Variants in EMC1 observed in about 807,000 individuals in gnomAD.
The protein encoded by EMC1 is ER membrane protein complex subunit 1, also known as KIAA0090.
In EMC1, 103 loss-of-function variants were observed where a neutral mutation model predicts 128.8. The observed-to-expected ratio is 0.80, with a 90% CI of 0.68 to 0.94. EMC1 has a LOEUF of 0.94. EMC1 is among the 40% of genes least tolerant of loss of function. The pLI is 0.00. For synonymous variants in EMC1, 442 were observed against 490.4 expected (o/e 0.90, Z 1.30); for missense variants, 1,083 against 1,250.6 (o/e 0.87, Z 2.02).
chr1:19,239,135 G>T, intron 9 of EMC1, 96 bp downstream of exon 9: 2 of 1,200,196 alleles, frequency 1.7e-6, no homozygotes, highest in South Asian at 1.3e-5. Context: ...GGTTCAAACT[G>T]ACCAGGTCAA....
chr1:19,241,876 A>ATCTTGTTCCTTCTC (rs147823575), intron 5 of EMC1, among the ~76,000 whole-genome samples: 5 of 152,100 alleles, frequency 3.3e-5, no homozygotes, highest in African/African-American at 1.2e-4. Flanking sequence ...AGATCCTTTT[A>ATCTTGTTCCTTCTC]TCTTGTTCCT....
Position 19,242,678 on chromosome 1 carries a change from C to T in EMC1, c.381-205G>A, listed in dbSNP as rs565584142. Among the ~76,000 whole-genome samples, 14 of 152,342 alleles carry T rather than the reference C, an allele frequency of 9.2e-5. No homozygotes were observed. In the South Asian group the frequency reaches 2.7e-3, roughly 29 times the overall value. Reference sequence around the variant, plus strand: ...AACCATTTGGCCACACTACTTGCTTCCCTGAAACCATCTGTATCTCCTAAG... The same window carrying T: ...AACCATTTGGCCACACTACTTGCTTTCCTGAAACCATCTGTATCTCCTAAG... On this transcript the variant is annotated intron_variant, in intron 4 of 22. Coordinates refer to ENST00000477853, the MANE Select transcript of EMC1 (RefSeq NM_015047.3).
At chr1:19,232,479 T>C (rs1434130668) in intron 15 of EMC1, 145 bp downstream of exon 15, 3 of 916,580 alleles carry the variant, frequency 3.3e-6, no homozygotes, top group Non-Finnish European at 5.1e-6. Context: ...CCTCCACCCA[T>C]GCATGAAACT....
intron 11 of EMC1, among the ~76,000 whole-genome samples, 179 bp from the exon 12 acceptor site, chr1:19,237,417 C>T (rs1445866085): frequency 6.6e-6 from 1 of 152,158 alleles, no homozygotes; most frequent in Non-Finnish European, 1.5e-5. Context: ...TAGGAGCCAA[C>T]ATAATGATGC....
chr1:19,227,045 A>C (rs114537010), intron 18 of EMC1, among the ~76,000 whole-genome samples: 27 of 152,206 alleles, frequency 1.8e-4, no homozygotes, highest in Admixed American at 6.5e-4. Context: ...AACAAACAAA[A>C]AAAAAGTCAA....
In EMC1 at chr1:19,219,204, C is replaced by T. The variant is rs2151933066; in HGVS notation, c.*99G>A. On this transcript the variant is annotated 3_prime_UTR_variant, in exon 23 of 23. Transcript: ENST00000477853. The stretch of plus-strand genomic sequence containing the variant: ...CCTACAGTTCTTAGCTGAGCACTGA[C>T]ACACACACATACTCCACCAATCCAC... 1 of 1,173,132 alleles carries T rather than the reference C, an allele frequency of 8.5e-7. No individual in the cohort carries two copies. 72.7% of individuals were successfully genotyped at this position (1,173,132 alleles called of 1,614,324 possible). A position where few individuals can be genotyped will look rare whatever the true frequency, so the allele number is the denominator to read the frequency against.
chr1:19,226,541 A>G (rs2093474742), intron 18 of EMC1, among the ~76,000 whole-genome samples: 1 of 152,100 alleles, frequency 6.6e-6, no homozygotes, highest in Non-Finnish European at 1.5e-5. Context: ...ACAAAAATAA[A>G]AAATTTAAAA....
rs1553254191 is a variant in EMC1, at chr1:19,242,356, A to G, written c.498T>C (p.His166=). 3.7e-6 allele frequency: 6 copies of G among 1,614,026 alleles called. No homozygotes were observed. The highest frequency in any genetic ancestry group is 5.1e-6 in the Non-Finnish European group (6 of 1,180,034). Residue 166 remains histidine (H), a synonymous_variant, in exon 5 of 23, where the codon CAT becomes CAC. Transcript: ENST00000477853. Reference sequence around the variant, plus strand: ...GCAGGCAGCCTTACCTTTCTGGGAGATGTTCCACCCACTTGAGGTGCCCAC... The same window carrying G: ...GCAGGCAGCCTTACCTTTCTGGGAGGTGTTCCACCCACTTGAGGTGCCCAC... ...LSSGHLKWVE[H]LPESDSIHYQ...
In EMC1 at chr1:19,232,976, T is replaced by G; in HGVS notation, c.1592A>C (p.Asn531Thr). Residue 531 changes from asparagine to threonine, a missense_variant, in exon 14 of 23, where the codon AAC becomes ACC. Physicochemically the swap from Asn to Thr is moderately conservative, Grantham distance 65. Transcript: ENST00000477853. ...NIDTLARDEFNLQKMMVMVTA... is the reference protein window; with the variant it reads ...NIDTLARDEFTLQKMMVMVTA... ...TACCATCACCATCATCTTCTGGAGGTTGAATTCATCTCTGGCCAGGGTGTC... is the reference window on the plus strand; with the variant it reads ...TACCATCACCATCATCTTCTGGAGGGTGAATTCATCTCTGGCCAGGGTGTC... 1 of 1,614,134 alleles carries G rather than the reference T, an allele frequency of 6.2e-7. No homozygotes were observed. The highest frequency in any genetic ancestry group is 2.2e-5 in the East Asian group (1 of 44,874).
intron 4 of EMC1, 66 bp from the exon 5 acceptor site, chr1:19,242,539 A>G: frequency 2.5e-6 from 4 of 1,582,052 alleles, no homozygotes; most frequent in Non-Finnish European, 3.5e-6. Context: ...GAGACAGTCC[A>G]GAACAGTACC....
At chr1:19,220,719 G>C (rs2093425018) in intron 21 of EMC1, 45 bp downstream of exon 21, 1 of 1,458,070 alleles carries the variant, frequency 6.9e-7, no homozygotes, top group Non-Finnish European at 9.5e-7. Flanking sequence ...GTGAGGTTAA[G>C]TTATGTAAGG....
rs140940082 is a variant in EMC1 at position 19,231,418 on chromosome 1, G to A, written c.1787C>T (p.Ser596Leu). Residue 596 changes from serine to leucine, a missense_variant, in exon 16 of 23, where the codon TCG becomes TTG. Physicochemically the swap from Ser to Leu is moderately radical, Grantham distance 145. Around this residue, in one of 3 missense-constraint regions of EMC1, gnomAD observed 527 missense variants for 644.1 expected, o/e 0.82. Coordinates refer to ENST00000477853, the MANE Select transcript of EMC1 (RefSeq NM_015047.3). ...QCTLLVKDKE[S>L]GMSSLYVFNP... is the part of the protein sequence containing the mutation. ...GAAGACATACAGAGAACTCATTCCCGACTCCTAAAATGAGCAAACTGTCAG... is the reference window on the plus strand; with the variant it reads ...GAAGACATACAGAGAACTCATTCCCAACTCCTAAAATGAGCAAACTGTCAG... The A allele has an allele frequency of 7.1e-4, 1,146 of 1,611,634 alleles. 5 individuals are homozygous for A. In the African/African-American group the frequency reaches 0.013, roughly 18 times the overall value.
At chr1:19,237,306 A>T in intron 11 of EMC1, 68 bp from the exon 12 acceptor site, 1 of 1,093,384 alleles carries the variant, frequency 9.1e-7, no homozygotes, top group Non-Finnish European at 1.4e-6. Context: ...ACCAGACCCC[A>T]GGAGTCAAAG....
Position 19,223,546 on chromosome 1 carries a change from G to A in EMC1, c.2226C>T (p.Ala742=), listed in dbSNP as rs763300280. Residue 742 remains alanine, a synonymous_variant, in exon 19 of 23, where the codon GCC becomes GCT. Transcript: ENST00000477853. The part of the protein sequence containing the change: ...LYKSLNPNLL[A]VVTESTDAHH... ...GCGCGTCTGTGCTCTCTGTCACCAC[G>A]GCCAGCAGGTTGGGGTTCAGGCTCT... The A allele has an allele frequency of 1.1e-5, 18 of 1,613,876 alleles. No homozygotes were observed. The highest frequency in any genetic ancestry group is 8.0e-5 in the African/African-American group (6 of 74,888).
chr1:19,237,903 A>C, intron 11 of EMC1, 114 bp downstream of exon 11: 1 of 1,351,136 alleles, frequency 7.4e-7, no homozygotes. Flanking sequence ...GAGCACTAGA[A>C]CACATGTTTA....
At chr1:19,220,905 C>A in intron 20 of EMC1, 57 bp from the exon 21 acceptor site, 1 of 1,262,600 alleles carries the variant, frequency 7.9e-7, no homozygotes, top group Admixed American at 2.0e-5. Context: ...GGGCCAGTTA[C>A]AAAAATGTCA....
intron 5 of EMC1, among the ~76,000 whole-genome samples, chr1:19,241,703 G>C (rs1024437972): frequency 2.0e-5 from 3 of 152,036 alleles, no homozygotes; most frequent in Non-Finnish European, 4.4e-5. Context: ...TTTTTGTAGA[G>C]ATGGGGTTGC....
intron 21 of EMC1, chr1:19,220,485 T>A (rs1390594917): frequency 1.6e-5 from 4 of 254,808 alleles, no homozygotes; most frequent in Non-Finnish European, 3.0e-5. Context: ...CCCACGCACA[T>A]CCCCATCCCC....
chr1:19,251,363 G>C, intron 1 of EMC1, 52 bp downstream of exon 1: 2 of 1,485,122 alleles, frequency 1.3e-6, no homozygotes, highest in African/African-American at 1.4e-5. Context: ...GTAGGAGACA[G>C]GTACTGGGGA....
Sources: allele counts gnomAD v4.1 joint callset (sites outside exome capture counted in the v4.1 genomes callset), GRCh38; gene constraint gnomAD v4.1.1; regional missense constraint gnomAD v4.1.1; transcripts MANE v1.5; gene names NCBI Gene and HGNC (gene_info 2026-07-23, HGNC 2026-07-21).